UNC13B: variants seen among roughly 807,000 people sequenced by gnomAD.
UNC13B encodes unc-13 homolog B.
In UNC13B, 144 loss-of-function variants were observed where a neutral mutation model predicts 211.0. The ratio of observed to expected loss-of-function variants is 0.68; its 90% CI spans 0.60 to 0.78. The LOEUF (loss-of-function observed/expected upper bound fraction) is 0.78. UNC13B is among the 30% of genes least tolerant of loss of function. The probability of loss-of-function intolerance (pLI) is 0.00; values close to 1 mark genes in which losing one functional copy is unlikely to be tolerated. For missense variants in UNC13B, 1,777 were observed against 2,002.0 expected (o/e 0.89, Z 2.14); for synonymous variants, 709 against 725.8 (o/e 0.98, Z 0.37).
rs957834355 is a variant in UNC13B, at chr9:35,400,172, G to T, written c.12337-124G>T. 15 of 1,364,752 alleles carry T rather than the reference G, an allele frequency of 1.1e-5. No individual in the cohort carries two copies. The African/African-American group carries it at 2.0e-4, about 19-fold the overall frequency. The allele number at this position is 1,364,752 out of a possible 1,614,324, so 84.5% of individuals were successfully genotyped here. A position where few individuals can be genotyped will look rare whatever the true frequency, so the allele number is the denominator to read the frequency against. On this transcript the variant is annotated intron_variant, in intron 36 of 39. Transcript: ENST00000635942. ...ATACTCATCCAAGAGCCTATGCTCT[G>T]GTTCTGTGGGTGTTCCTGAACAGCC...
intron 7 of UNC13B, among the ~76,000 whole-genome samples, chr9:35,279,567 G>T (rs928984372): frequency 5.9e-5 from 9 of 152,034 alleles, no homozygotes; most frequent in African/African-American, 1.7e-4. Flanking sequence ...GGATTAGAAT[G>T]GCTATTAATG....
At chr9:35,327,009 T>G (rs1010539568) in intron 11 of UNC13B, among the ~76,000 whole-genome samples, 2 of 152,234 alleles carry the variant, frequency 1.3e-5, no homozygotes, top group Admixed American at 6.5e-5. Context: ...CTACTCCTGT[T>G]CCTTTTTAAT....
chr9:35,382,993 C>A (rs373109733), intron 21 of UNC13B, among the ~76,000 whole-genome samples: 2 of 152,218 alleles, frequency 1.3e-5, no homozygotes, highest in Non-Finnish European at 2.9e-5. Context: ...AATAGCCTCT[C>A]CTCACACACA....
In UNC13B at chr9:35,243,330, G is replaced by A; in HGVS notation, c.434G>A (p.Trp145Ter). 1 of 1,613,460 alleles carries A rather than the reference G, an allele frequency of 6.2e-7. No homozygotes were observed. The highest frequency in any genetic ancestry group is 1.3e-5 in the African/African-American group (1 of 74,966). ...GAAGCCAGATATTGGACCTACAAAT[G>A]GGAGCAAATCAATGCCTTGGGAGCT... ...EEEARYWTYK[W>*]EQINALGADN... The change falls in exon 6 of 40, where the codon TGG becomes TAG. Residue 145 changes from tryptophan (W) to a stop codon, truncating the protein, a stop_gained. Coordinates refer to ENST00000635942, the MANE Select transcript of UNC13B (RefSeq NM_001371189.2). LOFTEE classifies it high-confidence loss of function.
chr9:35,315,928 T>A (rs899803355), intron 11 of UNC13B, among the ~76,000 whole-genome samples: 1 of 152,224 alleles, frequency 6.6e-6, no homozygotes, highest in Non-Finnish European at 1.5e-5. Context: ...TGTGCTCTTT[T>A]CAGAGCATTG....
intron 1 of UNC13B, among the ~76,000 whole-genome samples, chr9:35,201,347 CAT>C (rs1156269954): frequency 1.3e-5 from 2 of 152,198 alleles, no homozygotes; most frequent in African/African-American, 2.4e-5. Context: ...ATGCTGGCCT[CAT>C]AAAATGAGTT....
intron 11 of UNC13B, among the ~76,000 whole-genome samples, chr9:35,328,642 T>TCCTTCCTTCCTTCCTTCCTC (rs1831168682): frequency 1.2e-5 from 1 of 84,412 alleles, no homozygotes; most frequent in African/African-American, 4.7e-5. Flanking sequence ...CTTCCTTCCT[T>TCCTTCCTTCCTTCCTTCCTC]CCTTCCTTCC....
chr9:35,380,538 G>T lies in UNC13B; in HGVS notation c.10274G>T (p.Arg3425Ile). The change falls in exon 18 of 40, where the codon AGA becomes ATA. Residue 3425 changes from arginine (R) to isoleucine (I), a missense_variant. Transcript: ENST00000635942. ...GATGAGGATGATGACATCAAGTCAA[G>T]AGTAAAGCAACGCCTAAAGCGAGAG... The part of the protein sequence containing the change: ...VWDEDDDIKS[R>I]VKQRLKRESD... The T allele has an allele frequency of 6.2e-7, 1 of 1,614,244 alleles. No individual in the cohort carries two copies. The highest frequency in any genetic ancestry group is 1.1e-5 in the South Asian group (1 of 91,080).
chr9:35,404,334 C>T lies in UNC13B; in HGVS notation c.*301C>T, dbSNP rs1489689928. ...AGTGTCAGCCATTCTTGGTAGACAC[C>T]TCTCCACTCCTCATCCCACCTCTAC... is the stretch of plus-strand genomic sequence containing the variant. On this transcript the variant is annotated 3_prime_UTR_variant, in exon 40 of 40. Coordinates refer to ENST00000635942, the MANE Select transcript of UNC13B (RefSeq NM_001371189.2). 2 of 410,004 alleles carry T rather than the reference C, an allele frequency of 4.9e-6. No homozygotes were observed. Among genetic ancestry groups the T allele is most frequent in the Non-Finnish European group, 9.0e-6 (2 of 223,132 alleles). 25.4% of individuals were successfully genotyped at this position (410,004 alleles called of 1,614,324 possible).
At chr9:35,167,304 AC>A (rs1334717439) in intron 1 of UNC13B, among the ~76,000 whole-genome samples, 3 of 151,926 alleles carry the variant, frequency 2.0e-5, no homozygotes, top group Non-Finnish European at 4.4e-5. Flanking sequence ...CGATCACCTT[AC>A]TTCATGATCC....
At chr9:35,382,282 A>G in intron 20 of UNC13B, 75 bp from the exon 21 acceptor site, 2 of 1,536,922 alleles carry the variant, frequency 1.3e-6, no homozygotes, top group Admixed American at 4.2e-5. Context: ...TATCCCATAA[A>G]CTTTTAGAGT....
intron 6 of UNC13B, among the ~76,000 whole-genome samples, chr9:35,243,807 C>T (rs1825935886): frequency 6.6e-6 from 1 of 152,118 alleles, no homozygotes. Context: ...TAAGAGAATG[C>T]ATTCAGCTCA....
intron 1 of UNC13B, among the ~76,000 whole-genome samples, chr9:35,226,823 C>T (rs1003740786): frequency 6.6e-6 from 1 of 152,182 alleles, no homozygotes; most frequent in African/African-American, 2.4e-5. Context: ...AAACATTAAT[C>T]TCCTTTGGCA....
In UNC13B at chr9:35,308,120, G is replaced by T; in HGVS notation, c.8716G>T (p.Glu2906Ter). 1 of 399,092 alleles carries T rather than the reference G, an allele frequency of 2.5e-6. No homozygotes were observed. Among genetic ancestry groups the T allele is most frequent in the South Asian group, 1.3e-4 (1 of 7,846 alleles). 24.7% of individuals were successfully genotyped at this position (399,092 alleles called of 1,614,324 possible). A position where few individuals can be genotyped will look rare whatever the true frequency, so the allele number is the denominator to read the frequency against. The change falls in exon 9 of 40, where the codon GAG becomes TAG. Residue 2906 changes from glutamate to a stop codon, truncating the protein, a stop_gained. Coordinates refer to ENST00000635942, the MANE Select transcript of UNC13B (RefSeq NM_001371189.2). LOFTEE classifies it high-confidence loss of function. ...KVYTQPSGTS[E>*]QLVASPEVCA... ...CTACACTCAGCCCTCTGGGACCTCT[G>T]AGCAGCTGGTGGCCAGTCCAGAGGT...
intron 5 of UNC13B, among the ~76,000 whole-genome samples, 179 bp downstream of exon 5, chr9:35,238,005 A>G (rs1030885561): frequency 9.2e-5 from 14 of 152,184 alleles, no homozygotes; most frequent in African/African-American, 3.4e-4. Context: ...AGAATATAGA[A>G]TAGTGCTCAT....
chr9:35,254,965 T>TG (rs1826752731), intron 6 of UNC13B, among the ~76,000 whole-genome samples: 1 of 121,610 alleles, frequency 8.2e-6, no homozygotes, highest in South Asian at 2.2e-4. Context: ...ATATAATATA[T>TG]TATATTATAT....
intron 8 of UNC13B, among the ~76,000 whole-genome samples, chr9:35,298,512 G>A (rs1371849830): frequency 1.3e-5 from 2 of 151,824 alleles, no homozygotes; most frequent in African/African-American, 4.8e-5. Context: ...TAGACACAGG[G>A]TCTTGCGTTG....
intron 11 of UNC13B, among the ~76,000 whole-genome samples, chr9:35,315,316 G>A (rs1244719549): frequency 2.0e-5 from 3 of 151,938 alleles, no homozygotes; most frequent in Non-Finnish European, 2.9e-5. Flanking sequence ...ATAATATCTG[G>A]CAGATATTAA....
intron 22 of UNC13B, chr9:35,385,335 A>G: frequency 1.0e-6 from 1 of 985,480 alleles, no homozygotes; most frequent in Non-Finnish European, 1.2e-6. Context: ...CTCCACTTAT[A>G]TTCCAGGATA....
Sources: allele counts gnomAD v4.1 joint callset (sites outside exome capture counted in the v4.1 genomes callset), GRCh38; gene constraint gnomAD v4.1.1; transcripts MANE v1.5; gene names NCBI Gene and HGNC (gene_info 2026-07-23, HGNC 2026-07-21).